Variants in TBC1D1 observed in about 807,000 individuals in gnomAD.
TBC1D1 encodes the protein TBC1 domain family member 1, also known as TBC1 (tre-2/USP6, BUB2, cdc16) domain family, member 1.
In TBC1D1, 89 loss-of-function variants were observed where a neutral mutation model predicts 125.6. The ratio of observed to expected loss-of-function variants is 0.71; its 90% confidence interval spans 0.60 to 0.85. The LOEUF (loss-of-function observed/expected upper bound fraction) is 0.85, where lower values mean the gene tolerates loss of function less well. TBC1D1 is among the 40% of genes least tolerant of loss of function. The pLI, the probability that TBC1D1 is intolerant of heterozygous loss-of-function variation, is 0.00. For missense variants in TBC1D1, 1,377 were observed against 1,469.2 expected, an observed-to-expected ratio of 0.94 and a Z score of 1.03; for synonymous variants, 565 against 564.1, an observed-to-expected ratio of 1.00 and a Z score of -0.02.
At chr4:37,948,447 T>A (rs770977031) in intron 2 of TBC1D1, among the ~76,000 whole-genome samples, 1 of 152,072 alleles carries the variant, frequency 6.6e-6, no homozygotes, top group African/African-American at 2.4e-5. Context: ...GCCAACATGG[T>A]GAAACCTTGT....
intron 7 of TBC1D1, among the ~76,000 whole-genome samples, chr4:38,032,999 G>A (rs75597537): frequency 0.023 from 3,457 of 152,222 alleles, 60 homozygotes; most frequent in South Asian, 0.056. Flanking sequence ...CACCATCGAC[G>A]TTTATTTCTC....
rs760793316 is a variant in TBC1D1, at chr4:37,997,500, A to C, written c.418-17009A>C. On this transcript the variant is annotated intron_variant, in intron 2 of 19. Coordinates refer to ENST00000261439, the MANE Select transcript of TBC1D1 (RefSeq NM_015173.4). ...CTTCTTTCCAAATGATTTTGCCCCT[A>C]GAAGTTTTTACCTAGTAGCAGTAGA... 1.3e-5 allele frequency among the ~76,000 whole-genome samples: 2 copies of C among 152,244 alleles called. 1 individual carries two copies. Among genetic ancestry groups the C allele is most frequent in the South Asian group, 4.1e-4 (2 of 4,830 alleles).
chr4:37,965,676 G>C (rs1214976390), intron 2 of TBC1D1, among the ~76,000 whole-genome samples: 1 of 152,164 alleles, frequency 6.6e-6, no homozygotes, highest in Non-Finnish European at 1.5e-5. Flanking sequence ...GAGCAGATAT[G>C]TTTAGTTCTA....
chr4:38,060,611 C>G (rs1005662076), intron 12 of TBC1D1: 1 of 1,289,000 alleles, frequency 7.8e-7, no homozygotes, highest in Admixed American at 2.3e-5. Context: ...AGCCTTCTCT[C>G]TTTTTCAGAA....
intron 2 of TBC1D1, among the ~76,000 whole-genome samples, chr4:37,994,434 T>C (rs1014480866): frequency 3.4e-4 from 52 of 151,988 alleles, no homozygotes; most frequent in African/African-American, 1.2e-3. Flanking sequence ...AGACTATAGG[T>C]GTGCACCACT....
At chr4:38,012,561 T>C (rs1398700643) in intron 2 of TBC1D1, among the ~76,000 whole-genome samples, 1 of 151,694 alleles carries the variant, frequency 6.6e-6, no homozygotes, top group East Asian at 2.0e-4. Context: ...AGGTGTGCAC[T>C]AACATGCCCA....
At chr4:37,973,278 T>C (rs976458733) in intron 2 of TBC1D1, among the ~76,000 whole-genome samples, 2 of 152,202 alleles carry the variant, frequency 1.3e-5, no homozygotes, top group African/African-American at 4.8e-5. Flanking sequence ...GCCTCTACCC[T>C]GGATGTGTAT....
In TBC1D1 at chr4:38,122,060, G is replaced by C. The variant is rs77006705; in HGVS notation, c.2963-2902G>C. Among the ~76,000 whole-genome samples the C allele has an allele frequency of 8.4e-3, 1,279 of 152,254 alleles. 16 individuals are homozygous for C. The highest frequency in any genetic ancestry group is 0.029 in the African/African-American group (1,210 of 41,534). ...CCCTGTGTCTCACAGAAGCTTCTGG[G>C]GCTGAACTTTCTCCGGCCTTGGAGG... is the stretch of plus-strand genomic sequence containing the variant. On this transcript the variant is annotated intron_variant, in intron 17 of 19. Coordinates refer to ENST00000261439, the MANE Select transcript of TBC1D1 (RefSeq NM_015173.4).
intron 2 of TBC1D1, among the ~76,000 whole-genome samples, chr4:37,962,680 A>G (rs1319122874): frequency 1.3e-5 from 2 of 152,220 alleles, no homozygotes; most frequent in Admixed American, 6.5e-5. Flanking sequence ...GTTTAGCTAT[A>G]TGGTATCTTT....
intron 6 of TBC1D1, 144 bp from the exon 7 acceptor site, chr4:38,027,644 A>T (rs1745321495): frequency 3.9e-6 from 2 of 509,178 alleles, no homozygotes; most frequent in Non-Finnish European, 3.5e-6. Flanking sequence ...TCAAAAAAAA[A>T]AATAAAATAT....
chr4:38,017,879 A>G (rs1286874919), intron 3 of TBC1D1, among the ~76,000 whole-genome samples: 1 of 152,216 alleles, frequency 6.6e-6, no homozygotes, highest in East Asian at 1.9e-4. Flanking sequence ...AGAGGATTGT[A>G]ATTGATGCTC....
chr4:37,951,358 T>A (rs140947855), intron 2 of TBC1D1, among the ~76,000 whole-genome samples: 2 of 152,006 alleles, frequency 1.3e-5, no homozygotes, highest in Non-Finnish European at 2.9e-5. Context: ...AACCTGGGAG[T>A]TCATTAGAAT....
At chr4:38,086,205 A>G (rs9306957) in intron 12 of TBC1D1, among the ~76,000 whole-genome samples, 34,766 of 152,162 alleles carry the variant, frequency 0.23, 4,511 homozygotes, top group East Asian at 0.45. Flanking sequence ...TTTGGATAAA[A>G]GAGATACGTT....
chr4:37,901,180 A>G (rs1453077266), intron 1 of TBC1D1, among the ~76,000 whole-genome samples: 1 of 152,062 alleles, frequency 6.6e-6, no homozygotes, highest in African/African-American at 2.4e-5. Context: ...GTTTTCAGAA[A>G]GAGTCTCACT....
intron 2 of TBC1D1, among the ~76,000 whole-genome samples, chr4:37,971,284 T>G (rs1731962670): frequency 6.6e-6 from 1 of 152,154 alleles, no homozygotes; most frequent in South Asian, 2.1e-4. Context: ...AAGACATACC[T>G]AAGACTGGGT....
intron 2 of TBC1D1, among the ~76,000 whole-genome samples, chr4:37,954,824 GA>G (rs11380099): frequency 8.0e-4 from 105 of 131,518 alleles, no homozygotes; most frequent in South Asian, 2.1e-3. Context: ...CAGCTGACAT[GA>G]AAAAAAAAAA....
At chr4:38,027,723 G>A in intron 6 of TBC1D1, 65 bp from the exon 7 acceptor site, 1 of 1,000,920 alleles carries the variant, frequency 1.0e-6, no homozygotes, top group Non-Finnish European at 1.5e-6. Context: ...TGTGGAAGAG[G>A]TTAACTCCCT....
chr4:38,137,267 C>T lies in TBC1D1; in HGVS notation c.3439C>T (p.Arg1147Trp), dbSNP rs748930884. 3.1e-5 allele frequency: 50 copies of T among 1,611,782 alleles called. 2 individuals carry two copies. Among genetic ancestry groups the T allele is most frequent in the South Asian group, 3.0e-4 (27 of 90,998 alleles). The stretch of plus-strand genomic sequence containing the variant: ...CCTGCTGCAGACGGTGGAGGAGCTG[C>T]GGCGGCGGAGCGCAGAGCCCAGCGA... Residue 1147 changes from arginine (R) to tryptophan (W), a missense_variant, in exon 20 of 20, where the codon CGG becomes TGG. Physicochemically the swap from Arg to Trp is moderately radical, Grantham distance 101. Around this residue, in one of 3 missense-constraint regions of TBC1D1, gnomAD observed 543 missense variants for 613.5 expected, o/e 0.89. Transcript: ENST00000261439.
intron 15 of TBC1D1, among the ~76,000 whole-genome samples, chr4:38,108,854 A>C (rs915813731): frequency 5.3e-5 from 8 of 152,250 alleles, no homozygotes; most frequent in Admixed American, 4.6e-4. Context: ...AAAGATGAGA[A>C]GTAGGAGAAC....
Sources: gnomAD v4.1 joint callset for allele counts (sites outside exome capture counted in the v4.1 genomes callset) on GRCh38, gnomAD v4.1.1 for gene constraint, gnomAD v4.1.1 regional missense constraint, MANE v1.5 for transcripts, NCBI Gene and HGNC (gene_info 2026-07-23, HGNC 2026-07-21) for gene names.